Variants in NRG2 observed in about 807,000 individuals in gnomAD.
NRG2 encodes neuregulin 2.
A neutral mutation model predicts 73.9 loss-of-function variants in NRG2; 27 were observed. The observed-to-expected ratio is 0.37, with a 90% confidence interval of 0.27 to 0.50. The LOEUF (loss-of-function observed/expected upper bound fraction) is 0.50, where lower values mean the gene tolerates loss of function less well. Among genes scored for constraint, NRG2 ranks in the 20% least tolerant of loss-of-function variants. The probability of loss-of-function intolerance (pLI) is 0.96; values close to 1 mark genes in which losing one functional copy is unlikely to be tolerated. For missense variants in NRG2, 1,126 were observed against 1,210.1 expected, an observed-to-expected ratio of 0.93 and a Z score of 1.03; for synonymous variants, 532 against 541.0, an observed-to-expected ratio of 0.98 and a Z score of 0.23.
intron 1 of NRG2, among the ~76,000 whole-genome samples, chr5:139,965,441 G>A (rs145711389): frequency 2.0e-5 from 3 of 152,338 alleles, no homozygotes; most frequent in East Asian, 3.9e-4. Flanking sequence ...CCCCAGACCA[G>A]GCCAAACAGC....
In NRG2 at chr5:139,848,056, A is replaced by C. The variant is rs1761107160; in HGVS notation, c.2414T>G (p.Leu805Arg). 9 of 1,502,944 alleles carry C rather than the reference A, an allele frequency of 6.0e-6. No homozygotes were observed. Among genetic ancestry groups the C allele is most frequent in the Non-Finnish European group, 6.2e-6 (7 of 1,132,550 alleles). The allele number at this position is 1,502,944 out of a possible 1,614,324, so 93.1% of individuals were successfully genotyped here. ...GCACAGTGGCGGCGAGTCCGAGCGCAGCGCGTCGTGCGCCCCACGCAGGCC... is the reference window on the plus strand; with the variant it reads ...GCACAGTGGCGGCGAGTCCGAGCGCCGCGCGTCGTGCGCCCCACGCAGGCC... ...FLGLRGAHDALRSDSPPLCPA... is the reference protein window; with the variant it reads ...FLGLRGAHDARRSDSPPLCPA... Residue 805 changes from leucine to arginine, a missense_variant, in exon 10 of 10, where the codon CTG becomes CGG. Physicochemically the swap from Leu to Arg is moderately radical, Grantham distance 102. Coordinates refer to ENST00000361474, the MANE Select transcript of NRG2 (RefSeq NM_004883.3).
chr5:139,913,442 T>A (rs1032075368), intron 1 of NRG2, among the ~76,000 whole-genome samples: 1 of 152,234 alleles, frequency 6.6e-6, no homozygotes, highest in Non-Finnish European at 1.5e-5. Flanking sequence ...AGTGGAGTAC[T>A]TCCTTTACAT....
At chr5:140,015,409 T>C (rs940911772) in intron 1 of NRG2, among the ~76,000 whole-genome samples, 2 of 152,186 alleles carry the variant, frequency 1.3e-5, no homozygotes, top group African/African-American at 4.8e-5. Context: ...TATGAATGAA[T>C]GGAGAAATAA....
intron 2 of NRG2, among the ~76,000 whole-genome samples, chr5:139,882,246 T>G (rs1240794809): frequency 6.6e-6 from 1 of 151,992 alleles, no homozygotes; most frequent in African/African-American, 2.4e-5. Context: ...GGCAAGCAGA[T>G]AGGCTGGGCC....
At chr5:139,971,210 G>A (rs954507675) in intron 1 of NRG2, among the ~76,000 whole-genome samples, 1 of 152,136 alleles carries the variant, frequency 6.6e-6, no homozygotes, top group African/African-American at 2.4e-5. Context: ...AGAGCCCCCA[G>A]GGTTGGCATC....
chr5:139,943,563 T>C (rs1341258154), intron 1 of NRG2, among the ~76,000 whole-genome samples: 1 of 152,240 alleles, frequency 6.6e-6, no homozygotes, highest in Non-Finnish European at 1.5e-5. Context: ...AAATGTTAAG[T>C]GTTTGGTAAT....
chr5:140,020,100 G>A (rs189911197), intron 1 of NRG2, among the ~76,000 whole-genome samples: 82 of 152,182 alleles, frequency 5.4e-4, no homozygotes, highest in Non-Finnish European at 9.4e-4. Context: ...TACTCTGAAC[G>A]TACAGCAAGA....
chr5:139,893,330 G>C (rs9686598), intron 1 of NRG2, among the ~76,000 whole-genome samples: 3,798 of 152,238 alleles, frequency 0.025, 147 homozygotes, highest in African/African-American at 0.087. Context: ...ATTCAGCTTT[G>C]TGGCTGAAGG....
chr5:139,945,165 G>A lies in NRG2; in HGVS notation c.701-57654C>T, dbSNP rs77044984. Among the ~76,000 whole-genome samples, 5 of 152,168 alleles carry A rather than the reference G, an allele frequency of 3.3e-5. No individual in the cohort carries two copies. In the East Asian group the frequency reaches 7.7e-4, roughly 23 times the overall value. The stretch of plus-strand genomic sequence containing the variant: ...TATTCTGGATAGTAATTCCCTATTA[G>A]ATCAGTAGTTTGCAAATATTTTCTT... On this transcript the variant is annotated intron_variant, in intron 1 of 9. Coordinates refer to ENST00000361474, the MANE Select transcript of NRG2 (RefSeq NM_004883.3).
intron 1 of NRG2, among the ~76,000 whole-genome samples, chr5:140,013,044 C>G (rs979379325): frequency 5.3e-5 from 8 of 152,202 alleles, no homozygotes; most frequent in Non-Finnish European, 1.2e-4. Context: ...CTACTTCACA[C>G]CCTCTTTCTC....
intron 1 of NRG2, among the ~76,000 whole-genome samples, chr5:139,892,991 A>G (rs1334991508): frequency 6.6e-6 from 1 of 152,230 alleles, no homozygotes; most frequent in Non-Finnish European, 1.5e-5. Flanking sequence ...CAAAGAGTTT[A>G]GCTTGTCCCC....
In NRG2 at chr5:139,981,162, C is replaced by T. The variant is rs151277099; in HGVS notation, c.700+61208G>A. Among the ~76,000 whole-genome samples the T allele has an allele frequency of 2.2e-4, 34 of 152,318 alleles. 1 individual carries two copies. The East Asian group carries it at 4.6e-3, about 21-fold the overall frequency. ...TGTACACGCTCTGAGGTCAGGCAGA[C>T]GAGAGCTGTTGCTGAGTGCAGAGCG... On this transcript the variant is annotated intron_variant, in intron 1 of 9. Transcript: ENST00000361474.
chr5:140,028,510 C>T lies in NRG2; in HGVS notation c.700+13860G>A, dbSNP rs548718635. 8.5e-5 allele frequency among the ~76,000 whole-genome samples: 13 copies of T among 152,218 alleles called. No homozygotes were observed. The South Asian group carries it at 2.7e-3, about 32-fold the overall frequency. On this transcript the variant is annotated intron_variant, in intron 1 of 9. Coordinates refer to ENST00000361474, the MANE Select transcript of NRG2 (RefSeq NM_004883.3). ...ATCAAGAGGAGCAGTACTCGAGTTG[C>T]TATACCCACGGAACTGCATTGAGGA...
chr5:139,927,368 T>C (rs959849950), intron 1 of NRG2, among the ~76,000 whole-genome samples: 1 of 152,096 alleles, frequency 6.6e-6, no homozygotes, highest in Non-Finnish European at 1.5e-5. Flanking sequence ...AAACCCTCAT[T>C]GCAGTGAGCT....
chr5:139,967,884 G>T (rs1755658805), intron 1 of NRG2, among the ~76,000 whole-genome samples: 1 of 151,952 alleles, frequency 6.6e-6, no homozygotes, highest in African/African-American at 2.4e-5. Context: ...CCTTGAATCT[G>T]GGAGGCAGAG....
chr5:139,848,766 TGGGGTAG>T, intron 9 of NRG2, 69 bp from the exon 10 acceptor site: 1 of 34,412 alleles, frequency 2.9e-5, no homozygotes, highest in Non-Finnish European at 5.3e-5. Flanking sequence ...GGGTTGGGGG[TGGGGTAG>T]GGTGGGAGGG....
Position 140,042,410 on chromosome 5 carries a change from AT to A in NRG2, c.659del (p.Asn220IlefsTer20). On this transcript the variant is annotated frameshift_variant, in exon 1 of 10. Transcript: ENST00000361474. LOFTEE classifies it high-confidence loss of function. ...AFAPLDTNGK[N>X]LKKEVGKILC... ...GGATCTTGCCCACCTCTTTCTTGAG[AT>A]TTTTGCCGTTGGTATCGAGGGGGGC... 6.2e-7 allele frequency: 1 copy of A among 1,600,322 alleles called. No homozygotes were observed. The highest frequency in any genetic ancestry group is 8.5e-7 in the Non-Finnish European group (1 of 1,173,208).
chr5:139,870,049 T>C lies in NRG2; in HGVS notation c.1112+1672A>G, dbSNP rs1581817670. ...GGGAAGAGGAGAGACCTACCTAGTG[T>C]GTATGTCACAGGGAGGAGGAGGGTG... is the stretch of plus-strand genomic sequence containing the variant. On this transcript the variant is annotated intron_variant, in intron 4 of 9. Transcript: ENST00000361474. The surrounding 1 kb of genome is among the most constrained non-coding windows in gnomAD (Gnocchi z 4.4). 1.3e-5 allele frequency among the ~76,000 whole-genome samples: 2 copies of C among 152,074 alleles called. No homozygotes were observed. Among genetic ancestry groups the C allele is most frequent in the East Asian group, 3.9e-4 (2 of 5,188 alleles).
chr5:140,010,595 G>A (rs931438244), intron 1 of NRG2, among the ~76,000 whole-genome samples: 7 of 151,652 alleles, frequency 4.6e-5, no homozygotes, highest in Non-Finnish European at 1.0e-4. Context: ...TAAAATTTCT[G>A]TTAGAAAAAT....
Sources: allele counts gnomAD v4.1 joint callset (sites outside exome capture counted in the v4.1 genomes callset), GRCh38; gene constraint gnomAD v4.1.1; non-coding constraint Gnocchi (gnomAD v3.1); transcripts MANE v1.5; gene names NCBI Gene and HGNC (gene_info 2026-07-23, HGNC 2026-07-21).